Variants in CAMSAP3 observed in about 807,000 individuals in gnomAD.
The protein encoded by CAMSAP3 is calmodulin regulated spectrin associated protein family member 3.
CAMSAP3 carries 34 observed loss-of-function variants against 112.5 expected under a neutral mutation model. That is an observed-to-expected ratio of 0.30 (90% CI 0.23 to 0.40). The LOEUF is 0.40. Among genes scored for constraint, CAMSAP3 ranks in the 10% least tolerant of loss-of-function variants. The pLI is 1.00. For synonymous variants in CAMSAP3, 868 were observed against 799.8 expected (o/e 1.09, Z -1.44); for missense variants, 1,602 against 1,770.3 (o/e 0.90, Z 1.71).
rs1158825401 is a variant in CAMSAP3, at chr19:7,617,266, TCTGACCCCACCTCCATCCCATC to T, written c.3213-35_3213-14del. ...TCTGCACATAGGGAAGCTTCCCATC[TCTGACCCCACCTCCATCCCATC>T]CTGACCCCACCTCCATCCCATCCTT... is the stretch of plus-strand genomic sequence containing the variant. On this transcript the variant is annotated intron_variant, in intron 14 of 16. Transcript: ENST00000160298. The surrounding 1 kb of genome is among the most constrained non-coding windows in gnomAD (Gnocchi z 7.5). 300 of 1,224,244 alleles carry T rather than the reference TCTGACCCCACCTCCATCCCATC, an allele frequency of 2.5e-4. 1 individual carries two copies. The highest frequency in any genetic ancestry group is 8.4e-4 in the Middle Eastern group (4 of 4,782). The allele number at this position is 1,224,244 out of a possible 1,614,324, so 75.8% of individuals were successfully genotyped here.
Position 7,605,087 on chromosome 19 carries a change from C to T in CAMSAP3, c.149-139C>T, listed in dbSNP as rs56306022. The T allele has an allele frequency of 1.1e-5, 7 of 618,692 alleles. No individual in the cohort carries two copies. In the South Asian group the frequency reaches 1.8e-4, roughly 16 times the overall value. The allele number at this position is 618,692 out of a possible 1,614,324, so 38.3% of individuals were successfully genotyped here. On this transcript the variant is annotated intron_variant, in intron 1 of 16. Transcript: ENST00000160298. ...CATCTGCACTCTCAGCCCAGATCCC[C>T]TTTCTCCTTTCCCAATGCCATCCTC...
chr19:7,611,199 G>A lies in CAMSAP3; in HGVS notation c.1123+31G>A. 1 of 1,608,414 alleles carries A rather than the reference G, an allele frequency of 6.2e-7. No homozygotes were observed. The highest frequency in any genetic ancestry group is 8.5e-7 in the Non-Finnish European group (1 of 1,176,086). On this transcript the variant is annotated intron_variant, in intron 9 of 16. Transcript: ENST00000160298. This position sits in a 1 kb window ranked among gnomAD's most constrained non-coding sequence, Gnocchi z 6.9. The stretch of plus-strand genomic sequence containing the variant: ...GAGGGGGTAGGTGGCTTCTGTCACG[G>A]GGGACCCCCCCACTCACAGACTGCC...
In CAMSAP3 at chr19:7,605,264, G is replaced by A; in HGVS notation, c.187G>A (p.Asp63Asn). 9.4e-6 allele frequency: 15 copies of A among 1,601,530 alleles called. No homozygotes were observed. Among genetic ancestry groups the A allele is most frequent in the Non-Finnish European group, 1.3e-5 (15 of 1,174,246 alleles). Residue 63 changes from aspartate (D) to asparagine (N), a missense_variant, in exon 2 of 17, where the codon GAC becomes AAC. Asp to Asn is a conservative substitution (Grantham distance 23, BLOSUM62 1). Coordinates refer to ENST00000160298, the MANE Select transcript of CAMSAP3 (RefSeq NM_020902.2). ...PPELWEPFYT[D>N]QYAQEHVKPP... The stretch of plus-strand genomic sequence containing the variant: ...GGAGCTGTGGGAGCCCTTCTATACC[G>A]ACCAGTACGCGCAGGAGCATGTGAA...
chr19:7,613,339 G>A (rs1197112789), intron 11 of CAMSAP3, among the ~76,000 whole-genome samples, 176 bp downstream of exon 11: 2 of 150,814 alleles, frequency 1.3e-5, no homozygotes, highest in East Asian at 3.9e-4. Flanking sequence ...GTGAGTGGCT[G>A]GGTAAGGCCT....
intron 5 of CAMSAP3, among the ~76,000 whole-genome samples, chr19:7,608,726 C>T (rs547091227): frequency 4.8e-4 from 73 of 151,804 alleles, no homozygotes; most frequent in Middle Eastern, 3.4e-3. Context: ...CCTCCACCTC[C>T]CAGGTTCAAG....
At position 7,617,705 on chromosome 19, in the gene CAMSAP3, G is replaced by A. The variant is rs1420394874; in HGVS notation, c.3444+44G>A. On this transcript the variant is annotated intron_variant, in intron 16 of 16. Transcript: ENST00000160298. This position sits in a 1 kb window ranked among gnomAD's most constrained non-coding sequence, Gnocchi z 7.5. ...GGGAGTTGGGGGCTGGTGGGTGGGTGGGTGGCCTGACTTGGCCAGCTGACC... is the reference window on the plus strand; with the variant it reads ...GGGAGTTGGGGGCTGGTGGGTGGGTAGGTGGCCTGACTTGGCCAGCTGACC... The A allele has an allele frequency of 6.2e-7, 1 of 1,613,140 alleles. No individual in the cohort carries two copies. Among genetic ancestry groups the A allele is most frequent in the African/African-American group, 1.3e-5 (1 of 74,922 alleles).
intron 4 of CAMSAP3, 70 bp downstream of exon 4, chr19:7,606,641 C>G: frequency 1.3e-6 from 2 of 1,529,588 alleles, no homozygotes; most frequent in Non-Finnish European, 1.8e-6. Context: ...GCTGTGCTTC[C>G]TGGACACTCC....
chr19:7,615,481 A>G lies in CAMSAP3; in HGVS notation c.2874A>G (p.Pro958=). The G allele has an allele frequency of 2.6e-6, 4 of 1,540,698 alleles. No individual in the cohort carries two copies. Among genetic ancestry groups the G allele is most frequent in the Non-Finnish European group, 3.5e-6 (4 of 1,145,794 alleles). ...TGTCCGCAGTCCCGATGGCGACTCC[A>G]GCCCCTGCTGCCCGGGCTCCAGCCG... ...PLVSAVPMAT[P]APAARAPAEE... is the part of the protein sequence containing the mutation. Residue 958 remains proline, a synonymous_variant, in exon 13 of 17, where the codon CCA becomes CCG. Coordinates refer to ENST00000160298, the MANE Select transcript of CAMSAP3 (RefSeq NM_020902.2). The surrounding 1 kb of genome is among the most constrained non-coding windows in gnomAD (Gnocchi z 6.5).
At chr19:7,604,948 C>T (rs1277359179) in intron 1 of CAMSAP3, among the ~76,000 whole-genome samples, 2 of 152,146 alleles carry the variant, frequency 1.3e-5, no homozygotes, top group Non-Finnish European at 2.9e-5. Context: ...CCTTTCCACT[C>T]TAAGTGCCCA....
chr19:7,605,188 G>A (rs2030146422), intron 1 of CAMSAP3, 38 bp from the exon 2 acceptor site: 1 of 1,447,978 alleles, frequency 6.9e-7, no homozygotes, highest in East Asian at 2.5e-5. Context: ...TGTATCTGGT[G>A]ACCCTGACCC....
At chr19:7,596,840 G>A (rs1440821122) in intron 1 of CAMSAP3, among the ~76,000 whole-genome samples, 1 of 152,184 alleles carries the variant, frequency 6.6e-6, no homozygotes, top group Non-Finnish European at 1.5e-5. Flanking sequence ...GATCGCCTGG[G>A]GTGGGCCCCC....
At chr19:7,616,408 C>A in intron 13 of CAMSAP3, 115 bp from the exon 14 acceptor site, 1 of 764,394 alleles carries the variant, frequency 1.3e-6, no homozygotes, top group Non-Finnish European at 2.3e-6. Flanking sequence ...TGCAGAGGGC[C>A]GAGGGGTCTT....
Position 7,613,149 on chromosome 19 carries a change from G to C in CAMSAP3, c.2656G>C (p.Gly886Arg), listed in dbSNP as rs1233122306. 2 of 1,523,420 alleles carry C rather than the reference G, an allele frequency of 1.3e-6. No homozygotes were observed. The highest frequency in any genetic ancestry group is 1.8e-6 in the Non-Finnish European group (2 of 1,130,924). The allele number at this position is 1,523,420 out of a possible 1,614,324, so 94.4% of individuals were successfully genotyped here. ...GGAGGGGGAGCCCCGGGTGGGGCTG[G>C]GGTTCTTCTACAAGGTGAGTCCCCG... ...SSEGEPRVGL[G>R]FFYKDEDKPE... The change falls in exon 11 of 17, where the codon GGG becomes CGG. Residue 886 changes from glycine (G) to arginine (R), a missense_variant. Transcript: ENST00000160298.
In CAMSAP3 at chr19:7,611,730, C is replaced by T. The variant is rs1398058325; in HGVS notation, c.1237C>T (p.Leu413=). The part of the protein sequence containing the change: ...QAVSFSTPFG[L]DSDVDVVMGD... The stretch of plus-strand genomic sequence containing the variant: ...TGTGTCATTCAGCACCCCCTTTGGC[C>T]TGGACAGCGACGTGGATGTCGTCAT... The change falls in exon 11 of 17, where the codon CTG becomes TTG. Residue 413 remains leucine (L), a synonymous_variant. Coordinates refer to ENST00000160298, the MANE Select transcript of CAMSAP3 (RefSeq NM_020902.2). The surrounding 1 kb of genome is among the most constrained non-coding windows in gnomAD (Gnocchi z 6.9). 6.4e-7 allele frequency: 1 copy of T among 1,566,398 alleles called. No individual in the cohort carries two copies. Among genetic ancestry groups the T allele is most frequent in the Non-Finnish European group, 8.7e-7 (1 of 1,154,262 alleles).
chr19:7,617,246 A>T lies in CAMSAP3; in HGVS notation c.3213-80A>T. The T allele has an allele frequency of 1.0e-6, 1 of 996,282 alleles. No homozygotes were observed. Among genetic ancestry groups the T allele is most frequent in the Non-Finnish European group, 1.6e-6 (1 of 621,534 alleles). The allele number at this position is 996,282 out of a possible 1,614,324, so 61.7% of individuals were successfully genotyped here. ...CCCTTATTTTCCTTGGCCCCTCTGC[A>T]CATAGGGAAGCTTCCCATCTCTGAC... On this transcript the variant is annotated intron_variant, in intron 14 of 16. Coordinates refer to ENST00000160298, the MANE Select transcript of CAMSAP3 (RefSeq NM_020902.2). This position sits in a 1 kb window ranked among gnomAD's most constrained non-coding sequence, Gnocchi z 7.5.
rs1180233644 is a variant in CAMSAP3, at chr19:7,612,490, G to A, written c.1997G>A (p.Arg666Gln). The part of the protein sequence containing the change: ...ADSGPVPGGE[R>Q]PAGEGQGEPT... ...TCCGGTCCAGTCCCTGGTGGGGAGC[G>A]GCCCGCAGGCGAGGGCCAGGGTGAG... The change falls in exon 11 of 17, where the codon CGG (arginine) becomes CAG (glutamine). Residue 666 changes from arginine (R) to glutamine (Q), a missense_variant. Transcript: ENST00000160298. 5.2e-6 allele frequency: 8 copies of A among 1,550,890 alleles called. No individual in the cohort carries two copies. Among genetic ancestry groups the A allele is most frequent in the East Asian group, 2.4e-5 (1 of 41,412 alleles).
At chr19:7,606,209 T>C in intron 2 of CAMSAP3, 62 bp from the exon 3 acceptor site, 2 of 1,347,934 alleles carry the variant, frequency 1.5e-6, no homozygotes, top group Non-Finnish European at 2.0e-6. Flanking sequence ...CCCAGGCCCT[T>C]GGGGGCCGAG....
rs1302083419 is a variant in CAMSAP3 at position 7,605,375 on chromosome 19, A to G, written c.298A>G (p.Asn100Asp). The G allele has an allele frequency of 5.7e-6, 9 of 1,588,980 alleles. No individual in the cohort carries two copies. Among genetic ancestry groups the G allele is most frequent in the African/African-American group, 1.4e-5 (1 of 73,926 alleles). Residue 100 changes from asparagine (N) to aspartate (D), a missense_variant, in exon 2 of 17, where the codon AAC (asparagine) becomes GAC (aspartate). By Grantham distance (23) the Asn-to-Asp change is conservative. Around this residue, in one of 6 missense-constraint regions of CAMSAP3, gnomAD observed 147 missense variants for 144.6 expected, o/e 1.02. Transcript: ENST00000160298. ...QALPQLETPP[N>D]PSALLALLAR... ...ACTGCCACAGCTTGAAACACCCCCC[A>G]ACCCCTCTGCACTGCTGGCCCTGCT...
chr19:7,612,810 G>A lies in CAMSAP3; in HGVS notation c.2317G>A (p.Gly773Arg), dbSNP rs1347934597. Reference protein sequence around the residue: ...VPATRRSPGPGPSQSPRSPKH... With the variant: ...VPATRRSPGPRPSQSPRSPKH... ...GGCCACCCGGCGCAGCCCTGGGCCC[G>A]GGCCCAGCCAGTCACCCCGCAGCCC... The change falls in exon 11 of 17, where the codon GGG becomes AGG. Residue 773 changes from glycine (G) to arginine (R), a missense_variant. Physicochemically the swap from Gly to Arg is moderately radical, Grantham distance 125 (BLOSUM62 -2). Around this residue, in one of 6 missense-constraint regions of CAMSAP3, gnomAD observed 1,100 missense variants for 1,135.7 expected, o/e 0.97. Transcript: ENST00000160298. 1.9e-6 allele frequency: 3 copies of A among 1,546,594 alleles called. No homozygotes were observed. The highest frequency in any genetic ancestry group is 1.9e-5 in the Admixed American group (1 of 52,870).
Sources: allele counts gnomAD v4.1 joint callset (sites outside exome capture counted in the v4.1 genomes callset), GRCh38; gene constraint gnomAD v4.1.1; regional missense constraint gnomAD v4.1.1; non-coding constraint Gnocchi (gnomAD v3.1); transcripts MANE v1.5; gene names NCBI Gene and HGNC (gene_info 2026-07-23, HGNC 2026-07-21).